CAMSAP2: variants seen among roughly 807,000 people sequenced by gnomAD.
CAMSAP2 encodes calmodulin regulated spectrin associated protein family member 2.
Under a neutral mutation model 146.1 loss-of-function variants are expected in CAMSAP2, and 26 were observed. That is an observed-to-expected ratio of 0.18 (90% CI 0.13 to 0.25). The LOEUF is 0.25. CAMSAP2 is among the 10% of genes least tolerant of loss of function. CAMSAP2 has a pLI of 1.00. For synonymous variants in CAMSAP2, 499 were observed against 596.6 expected, an observed-to-expected ratio of 0.84 and a Z score of 2.38; for missense variants, 1,381 against 1,759.3, an observed-to-expected ratio of 0.78 and a Z score of 3.85.
chr1:200,834,118 C>G (rs1667114226), intron 6 of CAMSAP2, among the ~76,000 whole-genome samples: 1 of 152,110 alleles, frequency 6.6e-6, no homozygotes, highest in Admixed American at 6.5e-5. Flanking sequence ...AATCTCAGCA[C>G]TTTGGGAGGC....
At chr1:200,817,893 T>C (rs1450266661) in intron 4 of CAMSAP2, among the ~76,000 whole-genome samples, 1 of 152,196 alleles carries the variant, frequency 6.6e-6, no homozygotes, top group Non-Finnish European at 1.5e-5. Flanking sequence ...TTCTCCTTTT[T>C]CCCCATCACC....
chr1:200,742,480 CAA>C (rs1664208687), intron 1 of CAMSAP2, among the ~76,000 whole-genome samples: 1 of 151,926 alleles, frequency 6.6e-6, no homozygotes, highest in Admixed American at 6.6e-5. Context: ...TATTCTTTAT[CAA>C]CAGTCTTTCA....
At chr1:200,747,595 A>G (rs1251972237) in intron 1 of CAMSAP2, among the ~76,000 whole-genome samples, 1 of 152,160 alleles carries the variant, frequency 6.6e-6, no homozygotes, top group Non-Finnish European at 1.5e-5. Flanking sequence ...AAAGTCCTCA[A>G]GTGGGATGGG....
chr1:200,805,675 AAAATCTT>A (rs1318429998), intron 2 of CAMSAP2, among the ~76,000 whole-genome samples: 2 of 152,328 alleles, frequency 1.3e-5, no homozygotes, highest in East Asian at 3.9e-4. Context: ...GAGAACTGGA[AAAATCTT>A]CACAATCAGA....
Position 200,849,616 on chromosome 1 carries a change from C to T in CAMSAP2, c.2847C>T (p.Ser949=). The T allele has an allele frequency of 6.2e-7, 1 of 1,614,216 alleles. No individual in the cohort carries two copies. Among genetic ancestry groups the T allele is most frequent in the Non-Finnish European group, 8.5e-7 (1 of 1,180,024 alleles). Reference sequence around the variant, plus strand: ...TGTCATCAGCCATTGCACCATTCTCCTCAGACTCCCCTCGTCCTACTCACC... The same window carrying T: ...TGTCATCAGCCATTGCACCATTCTCTTCAGACTCCCCTCGTCCTACTCACC... The part of the protein sequence containing the change: ...AGLSSAIAPF[S]SDSPRPTHPS... The change falls in exon 11 of 17, where the codon TCC becomes TCT. Residue 949 remains serine (S), a synonymous_variant. Transcript: ENST00000358823. The surrounding 1 kb of genome is among the most constrained non-coding windows in gnomAD (Gnocchi z 6.3).
chr1:200,756,432 G>A (rs1392969990), intron 1 of CAMSAP2, among the ~76,000 whole-genome samples: 1 of 151,078 alleles, frequency 6.6e-6, no homozygotes, highest in Non-Finnish European at 1.5e-5. Flanking sequence ...CAGCCTGGGC[G>A]ACAGAGTGAG....
At chr1:200,783,754 G>A (rs1263330263) in intron 2 of CAMSAP2, among the ~76,000 whole-genome samples, 2 of 152,134 alleles carry the variant, frequency 1.3e-5, no homozygotes. Context: ...CTCCCAAAGT[G>A]CCGGGATTAC....
intron 3 of CAMSAP2, 104 bp downstream of exon 3, chr1:200,807,641 T>A: frequency 1.1e-6 from 1 of 893,320 alleles, no homozygotes; most frequent in South Asian, 3.9e-5. Flanking sequence ...CAAATCAAAG[T>A]GCAAACTTAA....
At chr1:200,820,083 C>T (rs1169809841) in intron 4 of CAMSAP2, among the ~76,000 whole-genome samples, 1 of 146,920 alleles carries the variant, frequency 6.8e-6, no homozygotes, top group Non-Finnish European at 1.5e-5. Flanking sequence ...TTTTTTGAGA[C>T]GGAGTTTTGC....
At chr1:200,791,966 C>CA (rs34505630) in intron 2 of CAMSAP2, among the ~76,000 whole-genome samples, 19,470 of 143,604 alleles carry the variant, frequency 0.14, 1,267 homozygotes, top group East Asian at 0.17. Context: ...ACCCTGTCTC[C>CA]AAAAAAAAAA....
rs1387986703 is a variant in CAMSAP2, at chr1:200,739,347, A to G, written c.-481A>G. Among the ~76,000 whole-genome samples the G allele has an allele frequency of 6.6e-6, 1 of 151,910 alleles. No individual in the cohort carries two copies. The highest frequency in any genetic ancestry group is 1.5e-5 in the Non-Finnish European group (1 of 67,924). Reference sequence around the variant, plus strand: ...GGTCTCCCCGCTCCGAGGGAAGGGGAGAGGGAGGCGAGGGCGTGCGGGCAT... The same window carrying G: ...GGTCTCCCCGCTCCGAGGGAAGGGGGGAGGGAGGCGAGGGCGTGCGGGCAT... On this transcript the variant is annotated 5_prime_UTR_variant, in exon 1 of 17. Transcript: ENST00000358823. The surrounding 1 kb of genome is among the most constrained non-coding windows in gnomAD (Gnocchi z 4.8).
rs149864235 is a variant in CAMSAP2, at chr1:200,854,836, A to T, written c.3843A>T (p.Ala1281=). ...KGPPVSSLSL[A]SLNTGDNESV... ...TTTCAGTCTCTAGCCTTTCTTTGGC[A>T]TCGCTGAACACGGGTGATAACGAGA... Residue 1281 remains alanine (A), a synonymous_variant, in exon 14 of 17, where the codon GCA becomes GCT. Coordinates refer to ENST00000358823, the MANE Select transcript of CAMSAP2 (RefSeq NM_203459.4). 279 of 1,611,588 alleles carry T rather than the reference A, an allele frequency of 1.7e-4. 1 individual carries two copies. The African/African-American group carries it at 3.1e-3, about 18-fold the overall frequency.
In CAMSAP2 at chr1:200,847,466, A is replaced by G. The variant is rs554022019; in HGVS notation, c.1192+174A>G. On this transcript the variant is annotated intron_variant, in intron 9 of 16. Transcript: ENST00000358823. ...ATGGCTATTATAACACACTAAAAGC[A>G]TGGTCAGTTTCACTGTGGTTGCTTT... is the stretch of plus-strand genomic sequence containing the variant. Among the ~76,000 whole-genome samples, 12 of 152,206 alleles carry G rather than the reference A, an allele frequency of 7.9e-5. No homozygotes were observed. In the South Asian group the frequency reaches 1.9e-3, roughly 24 times the overall value.
At chr1:200,771,657 T>C (rs944651787) in intron 2 of CAMSAP2, among the ~76,000 whole-genome samples, 11 of 152,170 alleles carry the variant, frequency 7.2e-5, no homozygotes, top group African/African-American at 2.7e-4. Flanking sequence ...CCATTGCTGA[T>C]TGATCTCAGG....
intron 6 of CAMSAP2, among the ~76,000 whole-genome samples, chr1:200,840,203 C>T (rs142361027): frequency 3.3e-5 from 5 of 152,284 alleles, no homozygotes; most frequent in Non-Finnish European, 5.9e-5. Flanking sequence ...CCTGTTTCTC[C>T]CAGTCCTTTC....
rs188621588 is a variant in CAMSAP2 at position 200,815,850 on chromosome 1, T to G, written c.645+206T>G. On this transcript the variant is annotated intron_variant, in intron 4 of 16. Transcript: ENST00000358823. ...ATGATGGTGTTTGTAAAAAAATATA[T>G]TAATGACTAGAACTCAAGTTCTGAG... Among the ~76,000 whole-genome samples the G allele has an allele frequency of 1.1e-3, 163 of 152,324 alleles. No homozygotes were observed. Among genetic ancestry groups the G allele is most frequent in the Non-Finnish European group, 2.0e-3 (138 of 68,026 alleles).
Position 200,844,765 on chromosome 1 carries a change from A to C in CAMSAP2, c.1022-17A>C, listed in dbSNP as rs958728554. The C allele has an allele frequency of 6.7e-7, 1 of 1,496,400 alleles. No homozygotes were observed. Among genetic ancestry groups the C allele is most frequent in the Non-Finnish European group, 9.0e-7 (1 of 1,109,900 alleles). The allele number at this position is 1,496,400 out of a possible 1,614,324, so 92.7% of individuals were successfully genotyped here. ...ATATGCTAATTTGAGGGTGTTTTTAAAAATCTTTTATTCCAGCTGAACCTG... is the reference window on the plus strand; with the variant it reads ...ATATGCTAATTTGAGGGTGTTTTTACAAATCTTTTATTCCAGCTGAACCTG... On this transcript the variant is annotated splice_polypyrimidine_tract_variant and intron_variant, in intron 7 of 16. Transcript: ENST00000358823.
intron 3 of CAMSAP2, among the ~76,000 whole-genome samples, chr1:200,808,355 A>G (rs778007381): frequency 1.1e-4 from 16 of 152,142 alleles, no homozygotes; most frequent in South Asian, 2.1e-4. Flanking sequence ...ATTTGTCTTG[A>G]TCCACTTTCA....
chr1:200,795,178 G>T (rs1479573829), intron 2 of CAMSAP2, among the ~76,000 whole-genome samples: 2 of 152,184 alleles, frequency 1.3e-5, no homozygotes, highest in African/African-American at 4.8e-5. Flanking sequence ...AGATCTTGAA[G>T]AATTTTAATA....
Sources: gnomAD v4.1 joint callset for allele counts (sites outside exome capture counted in the v4.1 genomes callset) on GRCh38, gnomAD v4.1.1 for gene constraint, Gnocchi (gnomAD v3.1) non-coding constraint, MANE v1.5 for transcripts, NCBI Gene and HGNC (gene_info 2026-07-23, HGNC 2026-07-21) for gene names.